The following CDH13 variants were observed in gnomAD, a reference collection of about 807,000 sequenced individuals.
The protein encoded by CDH13 is cadherin 13.
A neutral mutation model predicts 63.8 loss-of-function variants in CDH13; 24 were observed. The ratio of observed to expected loss-of-function variants is 0.38; its 90% CI spans 0.27 to 0.53. The LOEUF (loss-of-function observed/expected upper bound fraction) is 0.53, where lower values mean the gene tolerates loss of function less well. Ranked by LOEUF, CDH13 falls within the 20% of genes least tolerant of loss-of-function variation. The pLI is 0.85. For synonymous variants in CDH13, 503 were observed against 355.3 expected, an observed-to-expected ratio of 1.42 and a Z score of -4.67; for missense variants, 1,049 against 903.1, an observed-to-expected ratio of 1.16 and a Z score of -2.07.
intron 7 of CDH13, among the ~76,000 whole-genome samples, chr16:83,591,676 A>G (rs951600876): frequency 3.9e-5 from 6 of 152,164 alleles, no homozygotes; most frequent in Non-Finnish European, 8.8e-5. Flanking sequence ...GCAGTCTTAC[A>G]TTAACCTGAA....
chr16:83,066,239 C>G (rs945236941), intron 3 of CDH13, among the ~76,000 whole-genome samples: 4 of 152,156 alleles, frequency 2.6e-5, no homozygotes, highest in African/African-American at 7.2e-5. Context: ...TGACTAAGCT[C>G]TAGGGGAATC....
intron 11 of CDH13, among the ~76,000 whole-genome samples, chr16:83,754,248 A>G (rs1025260362): frequency 1.3e-5 from 2 of 152,048 alleles, no homozygotes; most frequent in African/African-American, 4.8e-5. Flanking sequence ...AGGTACAAGG[A>G]GTTAAAGGAT....
intron 6 of CDH13, among the ~76,000 whole-genome samples, chr16:83,386,986 C>T (rs866528706): frequency 2.0e-5 from 3 of 152,174 alleles, no homozygotes; most frequent in Admixed American, 1.3e-4. Flanking sequence ...AAGAGACTTT[C>T]GCCTACATTT....
At chr16:83,091,951 A>G (rs932254573) in intron 3 of CDH13, among the ~76,000 whole-genome samples, 1 of 152,242 alleles carries the variant, frequency 6.6e-6, no homozygotes, top group Admixed American at 6.5e-5. Context: ...AATTTCACAA[A>G]TAATTCTAGT....
At chr16:82,942,199 T>C (rs1012903047) in intron 2 of CDH13, among the ~76,000 whole-genome samples, 4 of 152,180 alleles carry the variant, frequency 2.6e-5, no homozygotes, top group African/African-American at 9.7e-5. Flanking sequence ...CATCTTAAGT[T>C]AATTTTGTGT....
chr16:82,710,929 C>T (rs2031890138), intron 1 of CDH13, among the ~76,000 whole-genome samples: 1 of 150,832 alleles, frequency 6.6e-6, no homozygotes. Flanking sequence ...TAAACTGTCA[C>T]CTGATTTTTT....
chr16:83,686,298 G>C (rs1425527536), intron 10 of CDH13, among the ~76,000 whole-genome samples: 1 of 152,172 alleles, frequency 6.6e-6, no homozygotes, highest in South Asian at 2.1e-4. Context: ...TGCTCAGGGA[G>C]AGTAACAATC....
chr16:83,395,378 C>T (rs989429186), intron 6 of CDH13, among the ~76,000 whole-genome samples: 3 of 152,012 alleles, frequency 2.0e-5, no homozygotes, highest in African/African-American at 4.8e-5. Flanking sequence ...ATTAGACATC[C>T]GAGTTCTTCT....
chr16:83,653,015 G>A (rs1300215714), intron 8 of CDH13, among the ~76,000 whole-genome samples: 2 of 152,180 alleles, frequency 1.3e-5, no homozygotes, highest in Non-Finnish European at 2.9e-5. Flanking sequence ...GATGAACCGT[G>A]AAAACACGAT....
chr16:83,605,015 A>T (rs1249083072), intron 8 of CDH13, among the ~76,000 whole-genome samples: 2 of 152,244 alleles, frequency 1.3e-5, no homozygotes, highest in African/African-American at 4.8e-5. Flanking sequence ...TTGATTTCAA[A>T]ATATCATATT....
At chr16:83,764,893 G>C (rs953992358) in intron 11 of CDH13, among the ~76,000 whole-genome samples, 1 of 152,042 alleles carries the variant, frequency 6.6e-6, no homozygotes, top group Admixed American at 6.5e-5. Context: ...TGCATCCTCT[G>C]CTTTGTATCA....
At chr16:83,610,388 A>G (rs541442471) in intron 8 of CDH13, among the ~76,000 whole-genome samples, 4 of 152,310 alleles carry the variant, frequency 2.6e-5, no homozygotes, top group African/African-American at 7.2e-5. Flanking sequence ...TAACTTCCAT[A>G]TGAAAAAAGT....
chr16:83,667,411 C>T (rs1277062973), intron 8 of CDH13, among the ~76,000 whole-genome samples: 1 of 151,908 alleles, frequency 6.6e-6, no homozygotes, highest in Non-Finnish European at 1.5e-5. Context: ...CATCCACCCA[C>T]CTACCCATCC....
At chr16:83,516,183 T>C (rs1483803349) in intron 7 of CDH13, among the ~76,000 whole-genome samples, 1 of 152,192 alleles carries the variant, frequency 6.6e-6, no homozygotes, top group Non-Finnish European at 1.5e-5. Context: ...TTGTAGAAAG[T>C]TTCCTGTAAG....
chr16:82,859,161 T>A (rs2039825856), intron 2 of CDH13: 1 of 152,244 alleles, frequency 6.6e-6, no homozygotes, highest in Admixed American at 6.5e-5. Flanking sequence ...TTTAGTGCAA[T>A]AGAATTTAAA....
At chr16:83,098,281 A>C (rs1005723103) in intron 3 of CDH13, among the ~76,000 whole-genome samples, 2 of 152,074 alleles carry the variant, frequency 1.3e-5, no homozygotes, top group African/African-American at 4.8e-5. Flanking sequence ...AAACACTTTC[A>C]TTTTCTCCTT....
At chr16:82,737,626 T>C (rs2033737365) in intron 1 of CDH13, among the ~76,000 whole-genome samples, 1 of 152,174 alleles carries the variant, frequency 6.6e-6, no homozygotes, top group Non-Finnish European at 1.5e-5. Flanking sequence ...GGGTAGCTTT[T>C]CAATTCTGCT....
At chr16:83,254,936 ATT>A (rs773625629) in intron 5 of CDH13, among the ~76,000 whole-genome samples, 25 of 118,864 alleles carry the variant, frequency 2.1e-4, no homozygotes, top group African/African-American at 7.4e-4. Flanking sequence ...TCTTTCTTGG[ATT>A]TTTTCTTTTT....
At chr16:83,339,659 C>T (rs976705806) in intron 5 of CDH13, among the ~76,000 whole-genome samples, 2 of 152,146 alleles carry the variant, frequency 1.3e-5, no homozygotes, top group Non-Finnish European at 2.9e-5. Flanking sequence ...AGGTCCAGTG[C>T]TCTTTCCACA....
Sources: allele counts gnomAD v4.1 joint callset (sites outside exome capture counted in the v4.1 genomes callset), GRCh38; gene constraint gnomAD v4.1.1; transcripts MANE v1.5; gene names NCBI Gene and HGNC (gene_info 2026-07-23, HGNC 2026-07-21).